ADRA1A: variants seen among roughly 807,000 people sequenced by gnomAD.
The protein encoded by ADRA1A is alpha-1A adrenergic receptor.
Under a neutral mutation model 29.6 loss-of-function variants are expected in ADRA1A, and 31 were observed. The ratio of observed to expected loss-of-function variants is 1.05; its 90% CI spans 0.79 to 1.41. The LOEUF (loss-of-function observed/expected upper bound fraction) is 1.41. Ranked by LOEUF, ADRA1A falls within the 40% of genes most tolerant of loss-of-function variation. The pLI is 0.00. For missense variants in ADRA1A, 619 were observed against 601.1 expected (o/e 1.03, Z -0.31); for synonymous variants, 311 against 254.3 (o/e 1.22, Z -2.12).
In ADRA1A at chr8:26,865,201, C is replaced by G; in HGVS notation, c.-232G>C. ...AGGGCATTAAAGACATGGCCAGGGG[C>G]GCGCGGGGCTGCCGGGGACCCTCTC... On this transcript the variant is annotated 5_prime_UTR_variant, in exon 2 of 3. Coordinates refer to ENST00000380573, the MANE Select transcript of ADRA1A (RefSeq NM_000680.4). The surrounding 1 kb of genome is among the most constrained non-coding windows in gnomAD (Gnocchi z 7.6). 1 of 1,367,406 alleles carries G rather than the reference C, an allele frequency of 7.3e-7. No homozygotes were observed. Among genetic ancestry groups the G allele is most frequent in the South Asian group, 1.7e-5 (1 of 58,400 alleles). 84.7% of individuals were successfully genotyped at this position (1,367,406 alleles called of 1,614,324 possible). A position where few individuals can be genotyped will look rare whatever the true frequency, so the allele number is the denominator to read the frequency against.
intron 2 of ADRA1A, among the ~76,000 whole-genome samples, chr8:26,792,060 A>G (rs1056521727): frequency 1.3e-5 from 2 of 152,166 alleles, no homozygotes; most frequent in South Asian, 2.1e-4. Context: ...GGTAAACAGT[A>G]GGAATACAAT....
chr8:26,779,046 G>C (rs1483039356), intron 2 of ADRA1A: 8 of 300,108 alleles, frequency 2.7e-5, no homozygotes, highest in Non-Finnish European at 2.4e-5. Context: ...ACTCACACCT[G>C]CTGAATGGCT....
downstream of ADRA1A, among the ~76,000 whole-genome samples, chr8:26,755,782 C>G (rs768975517): frequency 2.6e-5 from 4 of 152,108 alleles, no homozygotes; most frequent in Admixed American, 2.6e-4. Flanking sequence ...CTGGACTTGG[C>G]GCTGGAGCAC....
chr8:26,856,148 G>T, intron 2 of ADRA1A, among the ~76,000 whole-genome samples: 1 of 152,202 alleles, frequency 6.6e-6, no homozygotes, highest in East Asian at 1.9e-4. Flanking sequence ...TTAATTTAAA[G>T]CCAAGTCTGG....
downstream of ADRA1A, among the ~76,000 whole-genome samples, chr8:26,762,780 T>C (rs1266132804): frequency 6.6e-6 from 1 of 152,148 alleles, no homozygotes; most frequent in Non-Finnish European, 1.5e-5. This position sits in a 1 kb window ranked among gnomAD's most constrained non-coding sequence, Gnocchi z 4.0. Context: ...CCACGCCCCA[T>C]CTCAGAGCTC....
chr8:26,835,340 C>T (rs901557386), intron 2 of ADRA1A, among the ~76,000 whole-genome samples: 2 of 152,178 alleles, frequency 1.3e-5, no homozygotes, highest in South Asian at 2.1e-4. Flanking sequence ...CCCAATTTCT[C>T]ACATAGTGTA....
In ADRA1A at chr8:26,841,825, G is replaced by C. The variant is rs1395530722; in HGVS notation, c.883+22262C>G. On this transcript the variant is annotated intron_variant, in intron 2 of 2. Coordinates refer to ENST00000380573, the MANE Select transcript of ADRA1A (RefSeq NM_000680.4). The surrounding 1 kb of genome is among the most constrained non-coding windows in gnomAD (Gnocchi z 4.4). ...TTTTTTTCTCCTTTTCTTTCCCCTT[G>C]ACTTCTCTGCTGCATTTGATATTGG... is the stretch of plus-strand genomic sequence containing the variant. Among the ~76,000 whole-genome samples the C allele has an allele frequency of 6.6e-6, 1 of 151,966 alleles. No homozygotes were observed.
At chr8:26,829,628 A>G (rs1810828197) in intron 2 of ADRA1A, among the ~76,000 whole-genome samples, 3 of 152,314 alleles carry the variant, frequency 2.0e-5, no homozygotes, top group Non-Finnish European at 2.9e-5. Flanking sequence ...AACATGCTTA[A>G]TCACCTCTCA....
chr8:26,796,778 T>C lies in ADRA1A; in HGVS notation c.884-26112A>G, dbSNP rs1192986539. ...ACCCCTGAAATCGGGCACAGGCACA[T>C]AGATTTGATACCATGATTATCAGGC... is the stretch of plus-strand genomic sequence containing the variant. On this transcript the variant is annotated intron_variant, in intron 2 of 2. Transcript: ENST00000380573. The surrounding 1 kb of genome is among the most constrained non-coding windows in gnomAD (Gnocchi z 5.0). 6.6e-6 allele frequency among the ~76,000 whole-genome samples: 1 copy of C among 152,068 alleles called. No homozygotes were observed. The highest frequency in any genetic ancestry group is 1.5e-5 in the Non-Finnish European group (1 of 67,996).
At chr8:26,803,023 A>G (rs999087114) in intron 2 of ADRA1A, among the ~76,000 whole-genome samples, 3 of 152,192 alleles carry the variant, frequency 2.0e-5, no homozygotes, top group African/African-American at 7.2e-5. Context: ...GCTCAAAATT[A>G]AAACAATCTG....
chr8:26,810,146 A>G (rs1809277596), intron 2 of ADRA1A, among the ~76,000 whole-genome samples: 1 of 152,246 alleles, frequency 6.6e-6, no homozygotes, highest in East Asian at 1.9e-4. Context: ...GGTCGAATCA[A>G]TAAAGCCAAG....
intron 2 of ADRA1A, among the ~76,000 whole-genome samples, chr8:26,772,979 G>T (rs1416451650): frequency 6.6e-6 from 1 of 152,176 alleles, no homozygotes; most frequent in Admixed American, 6.5e-5. Flanking sequence ...AAAGTTTACA[G>T]TCTTTGAATG....
intron 2 of ADRA1A, among the ~76,000 whole-genome samples, chr8:26,760,559 C>T (rs985152041): frequency 2.6e-5 from 4 of 152,198 alleles, no homozygotes; most frequent in African/African-American, 7.2e-5. Flanking sequence ...GGGCAGACAG[C>T]ACTGACATAC....
At chr8:26,762,176 G>C (rs1024083380), downstream of ADRA1A, among the ~76,000 whole-genome samples, 2 of 152,178 alleles carry the variant, frequency 1.3e-5, no homozygotes, top group African/African-American at 4.8e-5. This position sits in a 1 kb window ranked among gnomAD's most constrained non-coding sequence, Gnocchi z 4.0. Flanking sequence ...AGAGTGGTAA[G>C]AGGTGCACAC....
chr8:26,757,922 A>G (rs1302628751), intron 2 of ADRA1A, among the ~76,000 whole-genome samples: 1 of 152,168 alleles, frequency 6.6e-6, no homozygotes, highest in African/African-American at 2.4e-5. Flanking sequence ...AGCATCTTTC[A>G]TAGGACAACT....
chr8:26,852,156 T>C (rs1200345311), intron 2 of ADRA1A, among the ~76,000 whole-genome samples: 1 of 152,146 alleles, frequency 6.6e-6, no homozygotes, highest in East Asian at 1.9e-4. Context: ...CTTTCCTGTC[T>C]ACACAGGACA....
At chr8:26,862,998 G>A (rs17056112) in intron 2 of ADRA1A, among the ~76,000 whole-genome samples, 4,435 of 152,124 alleles carry the variant, frequency 0.029, 151 homozygotes, top group East Asian at 0.17. Context: ...TTAGGAAAAT[G>A]TCTGGAACAT....
At chr8:26,789,110 AC>A (rs1350077888) in intron 2 of ADRA1A, among the ~76,000 whole-genome samples, 1 of 145,428 alleles carries the variant, frequency 6.9e-6, no homozygotes, top group African/African-American at 2.6e-5. Flanking sequence ...TTTTCCCCCC[AC>A]CCCTGACAGG....
chr8:26,772,117 CTTT>C (rs35838948), intron 2 of ADRA1A: 51 of 134,274 alleles, frequency 3.8e-4, no homozygotes, highest in African/African-American at 1.1e-3. Context: ...ATAATATGGG[CTTT>C]TTTTTTTTTT....
Sources: gnomAD v4.1 joint callset for allele counts (sites outside exome capture counted in the v4.1 genomes callset) on GRCh38, gnomAD v4.1.1 for gene constraint, Gnocchi (gnomAD v3.1) non-coding constraint, MANE v1.5 for transcripts, NCBI Gene and HGNC (gene_info 2026-07-23, HGNC 2026-07-21) for gene names.